MALRD1: variants seen among roughly 807,000 people sequenced by gnomAD.
MALRD1 encodes MAM and LDL-receptor class A domain-containing protein 1.
In MALRD1, 247 loss-of-function variants were observed where a neutral mutation model predicts 242.1. The ratio of observed to expected loss-of-function variants is 1.02; its 90% CI spans 0.92 to 1.13. The LOEUF is 1.13. Among genes scored for constraint, MALRD1 ranks in the 50% most tolerant of loss-of-function variants. The pLI, the probability that MALRD1 is intolerant of heterozygous loss-of-function variation, is 0.00. For synonymous variants in MALRD1, 995 were observed against 866.6 expected, an observed-to-expected ratio of 1.15 and a Z score of -2.60; for missense variants, 2,989 against 2,533.1, an observed-to-expected ratio of 1.18 and a Z score of -3.86.
At chr10:19,334,898 A>G (rs1271436537) in intron 24 of MALRD1, among the ~76,000 whole-genome samples, 1 of 152,064 alleles carries the variant, frequency 6.6e-6, no homozygotes, top group East Asian at 1.9e-4. Flanking sequence ...CTAGAGATAT[A>G]GTTTAGTGTA....
intron 19 of MALRD1, 46 bp from the exon 20 acceptor site, chr10:19,280,001 A>G: frequency 4.3e-6 from 6 of 1,391,970 alleles, no homozygotes; most frequent in Non-Finnish European, 5.6e-6. Flanking sequence ...GCAGTAGAAA[A>G]CCAGAAAACC....
At chr10:19,564,024 G>C (rs1836143166) in intron 32 of MALRD1, among the ~76,000 whole-genome samples, 1 of 152,166 alleles carries the variant, frequency 6.6e-6, no homozygotes, top group Non-Finnish European at 1.5e-5. Flanking sequence ...AAAGATTCTT[G>C]AAGCCTCCCC....
intron 20 of MALRD1, among the ~76,000 whole-genome samples, chr10:19,280,835 A>T (rs1840770410): frequency 6.6e-6 from 1 of 152,222 alleles, no homozygotes; most frequent in Non-Finnish European, 1.5e-5. Flanking sequence ...GAGAAAAATT[A>T]ATCTGTGTCT....
At chr10:19,399,110 T>C (rs1316717410) in intron 28 of MALRD1, among the ~76,000 whole-genome samples, 2 of 152,172 alleles carry the variant, frequency 1.3e-5, no homozygotes, top group African/African-American at 4.8e-5. Flanking sequence ...AAAAGCAATA[T>C]TGTGGCTTGT....
At chr10:19,111,899 A>G (rs1328002684) in intron 5 of MALRD1, among the ~76,000 whole-genome samples, 1 of 152,246 alleles carries the variant, frequency 6.6e-6, no homozygotes, top group East Asian at 1.9e-4. Context: ...AAAAACATAA[A>G]GCATTATGGG....
In MALRD1 at chr10:19,709,018, T is replaced by C. The variant is rs1342846823; in HGVS notation, c.6314+16464T>C. On this transcript the variant is annotated intron_variant, in intron 38 of 39. Coordinates refer to ENST00000454679, the MANE Select transcript of MALRD1 (RefSeq NM_001142308.3). ...TATCACAGAAACATGGATAAGCCTT[T>C]TTTTTTTTTCATTTTTTGAAATTGT... Among the ~76,000 whole-genome samples, 3 of 121,152 alleles carry C rather than the reference T, an allele frequency of 2.5e-5. 1 individual carries two copies. In the East Asian group the frequency reaches 7.5e-4, roughly 30 times the overall value. The allele number at this position is 121,152 out of a possible 152,430, so 79.5% of individuals were successfully genotyped here. A position where few individuals can be genotyped will look rare whatever the true frequency, so the allele number is the denominator to read the frequency against.
chr10:19,564,520 AAAT>A (rs1239729666), intron 32 of MALRD1, among the ~76,000 whole-genome samples: 1 of 152,024 alleles, frequency 6.6e-6, no homozygotes, highest in African/African-American at 2.4e-5. Context: ...AGTTATGCTA[AAAT>A]TATTACTTTA....
intron 18 of MALRD1, among the ~76,000 whole-genome samples, chr10:19,216,119 C>CTTTTTTTTTTTTT (rs753559077): frequency 8.1e-6 from 1 of 122,810 alleles, no homozygotes; most frequent in Non-Finnish European, 1.6e-5. Context: ...TTCTTTCTTT[C>CTTTTTTTTTTTTT]TTTTTTTTTT....
intron 14 of MALRD1, among the ~76,000 whole-genome samples, chr10:19,180,601 T>C (rs1354564814): frequency 6.6e-6 from 1 of 152,162 alleles, no homozygotes; most frequent in Non-Finnish European, 1.5e-5. Flanking sequence ...ATTTAAGACC[T>C]GAAATCATTA....
At chr10:19,519,728 C>A (rs1833793352) in intron 31 of MALRD1, among the ~76,000 whole-genome samples, 1 of 152,144 alleles carries the variant, frequency 6.6e-6, no homozygotes, top group Non-Finnish European at 1.5e-5. Flanking sequence ...CACGCCACTG[C>A]AATGTAGCCA....
chr10:19,579,138 G>A (rs1416181462), intron 33 of MALRD1, among the ~76,000 whole-genome samples: 1 of 152,094 alleles, frequency 6.6e-6, no homozygotes, highest in Non-Finnish European at 1.5e-5. Flanking sequence ...TTTGTCTTCA[G>A]TGCTGATCAC....
intron 21 of MALRD1, among the ~76,000 whole-genome samples, chr10:19,292,080 C>CAA (rs756211363): frequency 0.015 from 1,336 of 87,840 alleles, 41 homozygotes; most frequent in African/African-American, 0.026. Context: ...AAGACCGTCT[C>CAA]AAAAAAAAAA....
intron 29 of MALRD1, among the ~76,000 whole-genome samples, chr10:19,459,837 A>G (rs1466059983): frequency 1.3e-5 from 2 of 151,394 alleles, no homozygotes; most frequent in Admixed American, 6.6e-5. Context: ...TCCAAGCACA[A>G]TGATATAACT....
intron 35 of MALRD1, 120 bp downstream of exon 35, chr10:19,608,022 A>G (rs1838720718): frequency 2.3e-6 from 3 of 1,333,206 alleles, no homozygotes; most frequent in South Asian, 3.1e-5. Flanking sequence ...TTGAATTTCT[A>G]TTCTTGGTTT....
intron 2 of MALRD1, among the ~76,000 whole-genome samples, chr10:19,074,507 T>G (rs1835256859): frequency 6.6e-6 from 1 of 152,158 alleles, no homozygotes; most frequent in Non-Finnish European, 1.5e-5. Flanking sequence ...TGACATCTTT[T>G]GTGTATTGGA....
chr10:19,232,367 G>A (rs907104416), intron 18 of MALRD1, among the ~76,000 whole-genome samples: 11 of 150,934 alleles, frequency 7.3e-5, no homozygotes, highest in South Asian at 2.1e-4. Flanking sequence ...TAGTAGAGAT[G>A]GGGTTTCAGC....
At chr10:19,336,110 T>C (rs2130938011) in intron 24 of MALRD1, among the ~76,000 whole-genome samples, 1 of 151,990 alleles carries the variant, frequency 6.6e-6, no homozygotes. Context: ...GTGTAGACTC[T>C]GAAAGCAAGA....
Position 19,575,751 on chromosome 10 carries a change from C to T in MALRD1, c.5680+8048C>T, listed in dbSNP as rs143392140. On this transcript the variant is annotated intron_variant, in intron 33 of 39. Coordinates refer to ENST00000454679, the MANE Select transcript of MALRD1 (RefSeq NM_001142308.3). Reference sequence around the variant, plus strand: ...CCATATCCTTACTCTCAGTACAGCTCAGTCAGCAAGTTCTATAAATGTTGC... The same window carrying T: ...CCATATCCTTACTCTCAGTACAGCTTAGTCAGCAAGTTCTATAAATGTTGC... 6.3e-3 allele frequency among the ~76,000 whole-genome samples: 960 copies of T among 152,268 alleles called. 15 individuals carry two copies. Among genetic ancestry groups the T allele is most frequent in the Non-Finnish European group, 6.0e-3 (410 of 68,028 alleles).
intron 1 of MALRD1, among the ~76,000 whole-genome samples, 175 bp downstream of exon 1, chr10:19,049,312 T>TA (rs1325933334): frequency 1.3e-5 from 2 of 152,240 alleles, no homozygotes; most frequent in East Asian, 1.9e-4. Context: ...TGAGTCCATA[T>TA]AAAAAAATTA....
Sources: gnomAD v4.1 joint callset for allele counts (sites outside exome capture counted in the v4.1 genomes callset) on GRCh38, gnomAD v4.1.1 for gene constraint, MANE v1.5 for transcripts, NCBI Gene and HGNC (gene_info 2026-07-23, HGNC 2026-07-21) for gene names.